The following FHIT variants were observed in gnomAD, a reference collection of about 807,000 sequenced individuals.
FHIT encodes the protein bis(5'-adenosyl)-triphosphatase.
A neutral mutation model predicts 17.9 loss-of-function variants in FHIT; 19 were observed. That is an observed-to-expected ratio of 1.06 (90% CI 0.74 to 1.56). The LOEUF is 1.56. Ranked by LOEUF, FHIT falls within the 40% of genes most tolerant of loss-of-function variation. The probability of loss-of-function intolerance (pLI) is 0.00; values close to 1 mark genes in which losing one functional copy is unlikely to be tolerated. For missense variants in FHIT, 248 were observed against 189.2 expected, an observed-to-expected ratio of 1.31 and a Z score of -1.82; for synonymous variants, 81 against 69.7, an observed-to-expected ratio of 1.16 and a Z score of -0.81.
At chr3:61,171,029 C>A (rs1393780267) in intron 2 of FHIT, among the ~76,000 whole-genome samples, 1 of 152,198 alleles carries the variant, frequency 6.6e-6, no homozygotes, top group African/African-American at 2.4e-5. Flanking sequence ...AATCACTACA[C>A]TATCTTCCAT....
intron 3 of FHIT, among the ~76,000 whole-genome samples, chr3:60,913,282 T>C (rs1347980072): frequency 6.6e-6 from 1 of 152,224 alleles, no homozygotes; most frequent in Non-Finnish European, 1.5e-5. Flanking sequence ...ATTTGAAATT[T>C]CAACAAAAAG....
intron 5 of FHIT, among the ~76,000 whole-genome samples, chr3:60,361,032 G>A (rs1023173910): frequency 6.6e-6 from 1 of 152,030 alleles, no homozygotes; most frequent in African/African-American, 2.4e-5. Flanking sequence ...TATCTATTTC[G>A]AATACTGGTG....
chr3:61,216,660 C>T (rs907919980), intron 1 of FHIT, among the ~76,000 whole-genome samples: 8 of 152,080 alleles, frequency 5.3e-5, no homozygotes, highest in African/African-American at 1.9e-4. Flanking sequence ...ACCCAAAGGA[C>T]TATAAATCAT....
chr3:60,348,805 T>C (rs764128001), intron 5 of FHIT, among the ~76,000 whole-genome samples: 7 of 152,232 alleles, frequency 4.6e-5, no homozygotes, highest in African/African-American at 9.6e-5. Flanking sequence ...TGTATTTCTC[T>C]TTGTGCTCTT....
At chr3:60,810,100 G>T (rs1447412056) in intron 4 of FHIT, among the ~76,000 whole-genome samples, 1 of 152,198 alleles carries the variant, frequency 6.6e-6, no homozygotes, top group Non-Finnish European at 1.5e-5. Context: ...TCCATCTGGA[G>T]CTCTTGATTC....
intron 8 of FHIT, among the ~76,000 whole-genome samples, chr3:59,898,152 G>T (rs569472051): frequency 6.6e-6 from 1 of 152,246 alleles, no homozygotes; most frequent in South Asian, 2.1e-4. Flanking sequence ...CAGTAAAAAT[G>T]CAGTTAAAAC....
rs536397695 is a variant in FHIT at position 60,542,093 on chromosome 3, TATAC to T, written c.-17-5118_-17-5115del. On this transcript the variant is annotated intron_variant, in intron 4 of 9. Coordinates refer to ENST00000492590, the MANE Select transcript of FHIT (RefSeq NM_002012.4). The stretch of plus-strand genomic sequence containing the variant: ...TTTTGTCAAAAATACACAGGGCCCT[TATAC>T]ATAATTTTTAAATTTGTATATAAAT... 3.5e-4 allele frequency among the ~76,000 whole-genome samples: 54 copies of T among 152,332 alleles called. 1 individual carries two copies. Among genetic ancestry groups the T allele is most frequent in the Admixed American group, 3.5e-3 (54 of 15,300 alleles).
intron 5 of FHIT, among the ~76,000 whole-genome samples, chr3:60,017,192 A>G (rs1425670434): frequency 6.6e-6 from 1 of 152,174 alleles, no homozygotes; most frequent in African/African-American, 2.4e-5. Context: ...CACTGTTTTC[A>G]TTAAATAGAA....
intron 2 of FHIT, among the ~76,000 whole-genome samples, chr3:61,126,597 A>G (rs2036614262): frequency 6.6e-6 from 1 of 152,064 alleles, no homozygotes; most frequent in South Asian, 2.1e-4. Context: ...TCCCCTCCCA[A>G]CTGGTATCTC....
At chr3:60,903,692 T>C (rs1200853853) in intron 3 of FHIT, among the ~76,000 whole-genome samples, 1 of 152,206 alleles carries the variant, frequency 6.6e-6, no homozygotes, top group Non-Finnish European at 1.5e-5. Flanking sequence ...ACTATATCTC[T>C]AAACATCTGG....
chr3:59,837,543 A>C (rs915451468), intron 8 of FHIT, among the ~76,000 whole-genome samples: 8 of 152,092 alleles, frequency 5.3e-5, no homozygotes, highest in African/African-American at 1.9e-4. Flanking sequence ...AACTGTAAAC[A>C]TTTTCATTAG....
intron 8 of FHIT, among the ~76,000 whole-genome samples, chr3:59,839,657 T>C (rs1701460830): frequency 6.6e-6 from 1 of 152,140 alleles, no homozygotes; most frequent in Admixed American, 6.5e-5. Flanking sequence ...TTTATCTCCT[T>C]TCACTCTCTT....
intron 5 of FHIT, among the ~76,000 whole-genome samples, chr3:60,175,064 C>T (rs902955524): frequency 6.6e-6 from 1 of 152,168 alleles, no homozygotes; most frequent in Admixed American, 6.5e-5. Context: ...GCATGCTCTC[C>T]ACAAATGCTC....
intron 5 of FHIT, among the ~76,000 whole-genome samples, chr3:60,049,895 T>C (rs1285406805): frequency 1.3e-5 from 2 of 152,198 alleles, no homozygotes; most frequent in Non-Finnish European, 2.9e-5. Flanking sequence ...TGTTTCTAAT[T>C]CTTTACCATA....
At chr3:59,802,671 T>C (rs1183311090) in intron 8 of FHIT, among the ~76,000 whole-genome samples, 1 of 152,022 alleles carries the variant, frequency 6.6e-6, no homozygotes, top group Non-Finnish European at 1.5e-5. Flanking sequence ...TGCACCCAGG[T>C]GATTAAAAAG....
chr3:60,141,098 G>A (rs1303200280), intron 5 of FHIT, among the ~76,000 whole-genome samples: 2 of 152,098 alleles, frequency 1.3e-5, no homozygotes, highest in Admixed American at 6.5e-5. Context: ...AGCTTTGGGG[G>A]ACATCAATCT....
In FHIT at chr3:60,536,949, A is replaced by C. The variant is rs751159736; in HGVS notation, c.14T>G (p.Phe5Cys). Reference sequence around the variant, plus strand: ...AGAGGGCTTGATGAGATGTTGGCCAAATCTGAACGACATGTCCTCACAGTT... The same window carrying C: ...AGAGGGCTTGATGAGATGTTGGCCACATCTGAACGACATGTCCTCACAGTT... MSFR[F>C]GQHLIKPSVV... is the part of the protein sequence containing the mutation. The change falls in exon 5 of 10, where the codon TTT (phenylalanine) becomes TGT (cysteine). Residue 5 changes from phenylalanine to cysteine, a missense_variant. Physicochemically the swap from Phe to Cys is radical, Grantham distance 205 (BLOSUM62 -2). Coordinates refer to ENST00000492590, the MANE Select transcript of FHIT (RefSeq NM_002012.4). 6.2e-7 allele frequency: 1 copy of C among 1,611,680 alleles called. No individual in the cohort carries two copies. The highest frequency in any genetic ancestry group is 8.5e-7 in the Non-Finnish European group (1 of 1,178,948).
intron 8 of FHIT, among the ~76,000 whole-genome samples, chr3:59,757,765 T>A (rs762346446): frequency 3.9e-4 from 59 of 152,204 alleles, no homozygotes; most frequent in Non-Finnish European, 2.2e-4. Context: ...GCAGAGAGCT[T>A]AAATAAACCA....
At chr3:60,004,342 C>A (rs1362598358) in intron 7 of FHIT, among the ~76,000 whole-genome samples, 2 of 152,088 alleles carry the variant, frequency 1.3e-5, no homozygotes, top group Non-Finnish European at 2.9e-5. Context: ...AGCCAAATAT[C>A]CACTTTGCTA....
Sources: gnomAD v4.1 joint callset for allele counts (sites outside exome capture counted in the v4.1 genomes callset) on GRCh38, gnomAD v4.1.1 for gene constraint, MANE v1.5 for transcripts, NCBI Gene and HGNC (gene_info 2026-07-23, HGNC 2026-07-21) for gene names.